Variants in AP1S1 observed in about 807,000 individuals in gnomAD.
The protein encoded by AP1S1 is adaptor related protein complex 1 subunit sigma 1.
Under a neutral mutation model 23.9 loss-of-function variants are expected in AP1S1, and 13 were observed. The ratio of observed to expected loss-of-function variants is 0.54; its 90% CI spans 0.35 to 0.86. AP1S1 has a LOEUF of 0.86. Ranked by LOEUF, AP1S1 falls within the 40% of genes least tolerant of loss-of-function variation. The pLI, the probability that AP1S1 is intolerant of heterozygous loss-of-function variation, is 0.01. For synonymous variants in AP1S1, 84 were observed against 77.7 expected, an observed-to-expected ratio of 1.08 and a Z score of -0.43; for missense variants, 119 against 197.6, an observed-to-expected ratio of 0.60 and a Z score of 2.38.
chr7:101,159,189 T>C lies in AP1S1; in HGVS notation c.422T>C (p.Leu141Pro). The change falls in exon 4 of 5, where the codon CTG becomes CCG. Residue 141 changes from leucine (L) to proline (P), a missense_variant. By Grantham distance (98) the Leu-to-Pro change is moderately conservative. Transcript: ENST00000337619. Reference protein sequence around the residue: ...VLKAIEQADLLQEEDESPRSV... With the variant: ...VLKAIEQADLPQEEDESPRSV... ...AAAGCCATCGAGCAGGCTGACCTAC[T>C]GCAAGAGGTACGGGCCAGGGACAGT... 6.2e-7 allele frequency: 1 copy of C among 1,611,390 alleles called. No individual in the cohort carries two copies. Among genetic ancestry groups the C allele is most frequent in the Non-Finnish European group, 8.5e-7 (1 of 1,178,860 alleles).
chr7:101,160,419 G>A, intron 4 of AP1S1, 100 bp from the exon 5 acceptor site: 1 of 1,413,466 alleles, frequency 7.1e-7, no homozygotes, highest in Non-Finnish European at 9.9e-7. Context: ...CCCCGTGTCT[G>A]TGCCTCCCCC....
intron 1 of AP1S1, chr7:101,155,065 G>C (rs1043016432): frequency 6.2e-5 from 61 of 982,708 alleles, no homozygotes; most frequent in Middle Eastern, 1.0e-3. Flanking sequence ...TTTTCTCCGA[G>C]GGACCCAGGC....
Position 101,161,117 on chromosome 7 carries a change from AG to A in AP1S1, c.*554del. ...TAACCTTGCCACTTTGAGGGAAGGA[AG>A]GGTTGGGGGAAGGGCAAGCTTTATG... On this transcript the variant is annotated 3_prime_UTR_variant, in exon 5 of 5. Transcript: ENST00000337619. 1 of 286,682 alleles carries A rather than the reference AG, an allele frequency of 3.5e-6. No individual in the cohort carries two copies. Among genetic ancestry groups the A allele is most frequent in the Non-Finnish European group, 6.7e-6 (1 of 149,470 alleles). 17.8% of individuals were successfully genotyped at this position (286,682 alleles called of 1,614,324 possible).
intron 1 of AP1S1, chr7:101,154,902 T>G: frequency 1.3e-5 from 14 of 1,050,048 alleles, no homozygotes; most frequent in Non-Finnish European, 1.1e-5. Flanking sequence ...CGAGACCCCC[T>G]TCCCGGGCTG....
chr7:101,159,998 A>ATGCCCTGG (rs1201549745), intron 4 of AP1S1, among the ~76,000 whole-genome samples: 9 of 151,038 alleles, frequency 6.0e-5, no homozygotes, highest in Non-Finnish European at 1.2e-4. Flanking sequence ...ACACACACAC[A>ATGCCCTGG]CACACACACA....
chr7:101,159,126 G>T lies in AP1S1; in HGVS notation c.359G>T (p.Gly120Val). 4 of 1,613,814 alleles carry T rather than the reference G, an allele frequency of 2.5e-6. No homozygotes were observed. Among genetic ancestry groups the T allele is most frequent in the Non-Finnish European group, 3.4e-6 (4 of 1,179,810 alleles). Residue 120 changes from glycine to valine, a missense_variant, in exon 4 of 5, where the codon GGG (glycine) becomes GTG (valine). By Grantham distance (109) the Gly-to-Val change is moderately radical. Coordinates refer to ENST00000337619, the MANE Select transcript of AP1S1 (RefSeq NM_001283.5). Reference sequence around the variant, plus strand: ...TTCATCCTGGATGAGTTTTTGATGGGGGGGGATGTCCAGGACACCTCCAAG... The same window carrying T: ...TTCATCCTGGATGAGTTTTTGATGGTGGGGGATGTCCAGGACACCTCCAAG... ...AYFILDEFLMGGDVQDTSKKS... is the reference protein window; with the variant it reads ...AYFILDEFLMVGDVQDTSKKS...
At position 101,158,992 on chromosome 7, in the gene AP1S1, G is replaced by A. The variant is rs1047108187; in HGVS notation, c.292-67G>A. On this transcript the variant is annotated intron_variant, in intron 3 of 4. Transcript: ENST00000337619. ...GGGCAGAACCCAAGGTGGGAGGCAC[G>A]GTCTTGAAAAGGAAGTGGCTCCAGT... The A allele has an allele frequency of 5.7e-6, 9 of 1,585,414 alleles. No individual in the cohort carries two copies. In the African/African-American group the frequency reaches 6.8e-5, roughly 12 times the overall value.
At chr7:101,156,296 C>G (rs1796990226) in intron 1 of AP1S1, 2 of 266,110 alleles carry the variant, frequency 7.5e-6, no homozygotes, top group Non-Finnish European at 1.4e-5. Flanking sequence ...TTGCATATAT[C>G]AAATCATTTA....
intron 2 of AP1S1, 138 bp downstream of exon 2, chr7:101,156,910 CCTTTT>C: frequency 1.7e-6 from 1 of 586,080 alleles, no homozygotes; most frequent in Non-Finnish European, 2.5e-6. Context: ...ATGTCAGCTT[CCTTTT>C]TTTTTTTTTT....
chr7:101,154,604 A>G (rs1796960611), intron 1 of AP1S1, 87 bp downstream of exon 1: 1 of 1,489,510 alleles, frequency 6.7e-7, no homozygotes, highest in Non-Finnish European at 9.0e-7. Context: ...CTCGGGGTGA[A>G]CCGCCCTGTC....
chr7:101,156,911 C>CTT (rs34043825), intron 2 of AP1S1, 139 bp downstream of exon 2: 1,569 of 415,686 alleles, frequency 3.8e-3, no homozygotes, highest in South Asian at 8.3e-3. Flanking sequence ...TGTCAGCTTC[C>CTT]TTTTTTTTTT....
chr7:101,156,906 G>T, intron 2 of AP1S1, 134 bp downstream of exon 2: 6 of 635,182 alleles, frequency 9.4e-6, no homozygotes, highest in East Asian at 3.4e-5. Flanking sequence ...ATGAATGTCA[G>T]CTTCCTTTTT....
rs867246699 is a variant in AP1S1 at position 101,160,949 on chromosome 7, T to C, written c.*383T>C. The C allele has an allele frequency of 2.6e-4, 92 of 356,014 alleles. No homozygotes were observed. The highest frequency in any genetic ancestry group is 1.8e-3 in the African/African-American group (76 of 42,420). 22.1% of individuals were successfully genotyped at this position (356,014 alleles called of 1,614,324 possible). A position where few individuals can be genotyped will look rare whatever the true frequency, so the allele number is the denominator to read the frequency against. On this transcript the variant is annotated 3_prime_UTR_variant, in exon 5 of 5. Coordinates refer to ENST00000337619, the MANE Select transcript of AP1S1 (RefSeq NM_001283.5). Reference sequence around the variant, plus strand: ...TTCAGGGCACTTCTTGTCCTCTCTGTCCCATAACCTACCTCCACCCTCCCC... The same window carrying C: ...TTCAGGGCACTTCTTGTCCTCTCTGCCCCATAACCTACCTCCACCCTCCCC...
At chr7:101,156,385 A>G in intron 1 of AP1S1, 1 of 548,910 alleles carries the variant, frequency 1.8e-6, no homozygotes, top group Non-Finnish European at 3.2e-6. Context: ...GACTTACAGT[A>G]GTAATTGGGC....
rs1584207192 is a variant in AP1S1, at chr7:101,160,668, C to T, written c.*102C>T. The T allele has an allele frequency of 7.3e-7, 1 of 1,374,632 alleles. No individual in the cohort carries two copies. Among genetic ancestry groups the T allele is most frequent in the Admixed American group, 1.8e-5 (1 of 56,674 alleles). The allele number at this position is 1,374,632 out of a possible 1,614,324, so 85.2% of individuals were successfully genotyped here. ...CTGTTCTTGGTGGGACTCGGCTGCCCCTCCTCTGCTGCCTCACCTTTCGGA... is the reference window on the plus strand; with the variant it reads ...CTGTTCTTGGTGGGACTCGGCTGCCTCTCCTCTGCTGCCTCACCTTTCGGA... On this transcript the variant is annotated 3_prime_UTR_variant, in exon 5 of 5. Coordinates refer to ENST00000337619, the MANE Select transcript of AP1S1 (RefSeq NM_001283.5).
At position 101,160,401 on chromosome 7, in the gene AP1S1, T is replaced by C. The variant is rs1797077232; in HGVS notation, c.430-118T>C. 2.3e-5 allele frequency: 29 copies of C among 1,250,208 alleles called. No homozygotes were observed. In the South Asian group the frequency reaches 3.6e-4, roughly 15 times the overall value. The allele number at this position is 1,250,208 out of a possible 1,614,324, so 77.4% of individuals were successfully genotyped here. A position where few individuals can be genotyped will look rare whatever the true frequency, so the allele number is the denominator to read the frequency against. On this transcript the variant is annotated intron_variant, in intron 4 of 4. Coordinates refer to ENST00000337619, the MANE Select transcript of AP1S1 (RefSeq NM_001283.5). ...GGCCTTGGGCTCACATTGGCTTCTCTCCCCCTCCCCCGTGTCTGTGCCTCC... is the reference window on the plus strand; with the variant it reads ...GGCCTTGGGCTCACATTGGCTTCTCCCCCCCTCCCCCGTGTCTGTGCCTCC...
Position 101,159,071 on chromosome 7 carries a change from G to C in AP1S1, c.304G>C (p.Asp102His). 1 of 1,613,286 alleles carries C rather than the reference G, an allele frequency of 6.2e-7. No individual in the cohort carries two copies. The highest frequency in any genetic ancestry group is 8.5e-7 in the Non-Finnish European group (1 of 1,179,598). ...DKYFGSVCEL[D>H]IIFNFEKAYF... Reference sequence around the variant, plus strand: ...CCCGCCCTCCCAGGTGTGCGAGCTGGACATCATCTTCAACTTTGAGAAGGC... The same window carrying C: ...CCCGCCCTCCCAGGTGTGCGAGCTGCACATCATCTTCAACTTTGAGAAGGC... The change falls in exon 4 of 5, where the codon GAC becomes CAC. Residue 102 changes from aspartate (D) to histidine (H), a missense_variant. Transcript: ENST00000337619.
At position 101,160,897 on chromosome 7, in the gene AP1S1, A is replaced by C; in HGVS notation, c.*331A>C. ...CCTCCCTAATAACTGTAAATATATA[A>C]ATATGTCAGGTTAAAGGGAAAAGGT... On this transcript the variant is annotated 3_prime_UTR_variant, in exon 5 of 5. Coordinates refer to ENST00000337619, the MANE Select transcript of AP1S1 (RefSeq NM_001283.5). The C allele has an allele frequency of 4.0e-6, 2 of 500,962 alleles. No homozygotes were observed. Among genetic ancestry groups the C allele is most frequent in the Non-Finnish European group, 3.8e-6 (1 of 260,704 alleles). The allele number at this position is 500,962 out of a possible 1,614,324, so 31.0% of individuals were successfully genotyped here.
chr7:101,160,863 A>G lies in AP1S1; in HGVS notation c.*297A>G. On this transcript the variant is annotated 3_prime_UTR_variant, in exon 5 of 5. Coordinates refer to ENST00000337619, the MANE Select transcript of AP1S1 (RefSeq NM_001283.5). ...CTTTGCAGAACTGATGTCACCCCAG[A>G]TGTCCTTCCCTCCCTAATAACTGTA... 1.3e-5 allele frequency: 8 copies of G among 613,462 alleles called. No individual in the cohort carries two copies. The highest frequency in any genetic ancestry group is 1.2e-4 in the South Asian group (8 of 65,744). The allele number at this position is 613,462 out of a possible 1,614,324, so 38.0% of individuals were successfully genotyped here. A position where few individuals can be genotyped will look rare whatever the true frequency, so the allele number is the denominator to read the frequency against.
Sources: allele counts gnomAD v4.1 joint callset (sites outside exome capture counted in the v4.1 genomes callset), GRCh38; gene constraint gnomAD v4.1.1; transcripts MANE v1.5; gene names NCBI Gene and HGNC (gene_info 2026-07-23, HGNC 2026-07-21).